Variants in ERBB4 observed in about 807,000 individuals in gnomAD.
The protein encoded by ERBB4 is receptor tyrosine-protein kinase erbB-4.
In ERBB4, 42 loss-of-function variants were observed where a neutral mutation model predicts 158.0. That is an observed-to-expected ratio of 0.27 (90% CI 0.21 to 0.34). The LOEUF is 0.34. ERBB4 is among the 10% of genes least tolerant of loss of function. The pLI is 1.00. For synonymous variants in ERBB4, 583 were observed against 558.7 expected, an observed-to-expected ratio of 1.04 and a Z score of -0.61; for missense variants, 1,333 against 1,624.1, an observed-to-expected ratio of 0.82 and a Z score of 3.08.
chr2:211,388,259 G>T (rs1268916974), intron 25 of ERBB4, among the ~76,000 whole-genome samples: 1 of 152,110 alleles, frequency 6.6e-6, no homozygotes, highest in Non-Finnish European at 1.5e-5. Flanking sequence ...CAATGGATTA[G>T]AAAAGTAAAT....
chr2:211,447,764 A>G (rs2125468875), intron 20 of ERBB4, among the ~76,000 whole-genome samples: 1 of 152,322 alleles, frequency 6.6e-6, no homozygotes, highest in African/African-American at 2.4e-5. Context: ...TGCCAGTGTC[A>G]GGAGATTCAA....
At chr2:211,637,631 T>G (rs888412146) in intron 16 of ERBB4, among the ~76,000 whole-genome samples, 1 of 152,012 alleles carries the variant, frequency 6.6e-6, no homozygotes, top group African/African-American at 2.4e-5. Context: ...GAATGTGAAC[T>G]TTCCATTCTA....
In ERBB4 at chr2:211,417,673, A is replaced by C. The variant is rs567654231; in HGVS notation, c.3135+2768T>G. 1.2e-4 allele frequency among the ~76,000 whole-genome samples: 18 copies of C among 152,308 alleles called. No individual in the cohort carries two copies. In the East Asian group the frequency reaches 3.1e-3, roughly 26 times the overall value. ...AATATTTGTGGAATTGAAAAAATCA[A>C]AAGCACTATAAAAAATTACTTCTGT... On this transcript the variant is annotated intron_variant, in intron 25 of 27. Coordinates refer to ENST00000342788, the MANE Select transcript of ERBB4 (RefSeq NM_005235.3).
chr2:211,857,781 C>T (rs767378639), intron 3 of ERBB4, among the ~76,000 whole-genome samples: 5 of 152,128 alleles, frequency 3.3e-5, no homozygotes, highest in African/African-American at 4.8e-5. Flanking sequence ...TTACACATTA[C>T]GACAAGTAGC....
At chr2:211,442,423 C>T (rs2064003087) in intron 20 of ERBB4, among the ~76,000 whole-genome samples, 1 of 151,826 alleles carries the variant, frequency 6.6e-6, no homozygotes, top group African/African-American at 2.4e-5. Context: ...TCCAACCATC[C>T]ATCTGGAGCT....
chr2:212,220,168 C>T (rs1318801243), intron 1 of ERBB4, among the ~76,000 whole-genome samples: 1 of 151,346 alleles, frequency 6.6e-6, no homozygotes, highest in East Asian at 1.9e-4. Context: ...ATGCAAAGTC[C>T]TCAGGCAATG....
intron 1 of ERBB4, among the ~76,000 whole-genome samples, chr2:212,409,643 CAA>C (rs1382606139): frequency 2.0e-5 from 3 of 152,002 alleles, no homozygotes; most frequent in Admixed American, 6.6e-5. Context: ...GCATGATGAT[CAA>C]AGAGTTTTGT....
chr2:211,897,861 A>G (rs756220489), intron 3 of ERBB4, among the ~76,000 whole-genome samples: 6 of 152,010 alleles, frequency 3.9e-5, no homozygotes, highest in Non-Finnish European at 8.8e-5. Context: ...TTCCCTTCTC[A>G]GCCTCCCATC....
intron 1 of ERBB4, among the ~76,000 whole-genome samples, chr2:212,515,313 A>G (rs1417855671): frequency 6.6e-6 from 1 of 152,198 alleles, no homozygotes; most frequent in African/African-American, 2.4e-5. Flanking sequence ...AAAATACTTA[A>G]TCCTCACATA....
At chr2:212,081,460 C>T (rs2078440656) in intron 2 of ERBB4, among the ~76,000 whole-genome samples, 2 of 152,240 alleles carry the variant, frequency 1.3e-5, no homozygotes, top group South Asian at 2.1e-4. Context: ...TCATGTAATG[C>T]CATCACACTA....
chr2:211,490,808 T>C (rs968503833), intron 20 of ERBB4, among the ~76,000 whole-genome samples: 9 of 151,944 alleles, frequency 5.9e-5, no homozygotes, highest in African/African-American at 2.2e-4. Flanking sequence ...TTAAATAGAG[T>C]GGGGAAGAAA....
chr2:211,464,507 C>T (rs899910468), intron 20 of ERBB4, among the ~76,000 whole-genome samples: 3 of 152,174 alleles, frequency 2.0e-5, no homozygotes, highest in Non-Finnish European at 4.4e-5. Context: ...CCATCCTTAA[C>T]ATCAGAAAAT....
At chr2:212,159,570 G>GTGGGAGT (rs1213612544) in intron 1 of ERBB4, among the ~76,000 whole-genome samples, 4 of 151,924 alleles carry the variant, frequency 2.6e-5, no homozygotes, top group Admixed American at 2.0e-4. Context: ...ACCTCATGCT[G>GTGGGAGT]TGGGAGTTGC....
Position 211,376,594 on chromosome 2 carries a change from G to A in ERBB4, c.*7021C>T, listed in dbSNP as rs557025782. The A allele has an allele frequency of 1.2e-4, 28 of 232,774 alleles. No homozygotes were observed. Among genetic ancestry groups the A allele is most frequent in the African/African-American group, 5.5e-4 (25 of 45,404 alleles). The allele number at this position is 232,774 out of a possible 1,614,324, so 14.4% of individuals were successfully genotyped here. A position where few individuals can be genotyped will look rare whatever the true frequency, so the allele number is the denominator to read the frequency against. On this transcript the variant is annotated 3_prime_UTR_variant, in exon 28 of 28. Coordinates refer to ENST00000342788, the MANE Select transcript of ERBB4 (RefSeq NM_005235.3). Reference sequence around the variant, plus strand: ...TCTGCTTACAAGTTAAGAAAATAAGGAAGTGAGTACAAATGTATACACCTT... The same window carrying A: ...TCTGCTTACAAGTTAAGAAAATAAGAAAGTGAGTACAAATGTATACACCTT...
chr2:212,264,203 C>T (rs2085048167), intron 1 of ERBB4, among the ~76,000 whole-genome samples: 1 of 152,020 alleles, frequency 6.6e-6, no homozygotes, highest in Non-Finnish European at 1.5e-5. Context: ...CCTGTTAGCA[C>T]AAAATTAAAC....
chr2:212,358,627 ATT>A (rs2089558003), intron 1 of ERBB4, among the ~76,000 whole-genome samples: 1 of 151,738 alleles, frequency 6.6e-6, no homozygotes, highest in Non-Finnish European at 1.5e-5. Flanking sequence ...TGGTGTATAT[ATT>A]TACCCTGTTT....
intron 1 of ERBB4, among the ~76,000 whole-genome samples, chr2:212,191,841 T>G (rs1399576835): frequency 7.7e-6 from 1 of 129,468 alleles, no homozygotes; most frequent in African/African-American, 2.7e-5. Context: ...TTATATATAA[T>G]ACATGTTATA....
In ERBB4 at chr2:211,420,423, T is replaced by C. The variant is rs762133246; in HGVS notation, c.3135+18A>G. On this transcript the variant is annotated intron_variant, in intron 25 of 27. Transcript: ENST00000342788. ...TATCTCAGAAAGAATATGATATGTG[T>C]ATATAATTATTTCTTACCCTATTCG... The C allele has an allele frequency of 1.3e-6, 2 of 1,530,942 alleles. No homozygotes were observed. Among genetic ancestry groups the C allele is most frequent in the Non-Finnish European group, 1.8e-6 (2 of 1,106,144 alleles). The allele number at this position is 1,530,942 out of a possible 1,614,324, so 94.8% of individuals were successfully genotyped here.
At chr2:212,003,211 A>AAGAAAGGAAGAAAGAC (rs2076172688) in intron 2 of ERBB4, among the ~76,000 whole-genome samples, 1 of 55,894 alleles carries the variant, frequency 1.8e-5, no homozygotes, top group East Asian at 3.5e-4. Context: ...GAAAGACAGA[A>AAGAAAGGAAGAAAGAC]AGAAGGAAGG....
Sources: gnomAD v4.1 joint callset for allele counts (sites outside exome capture counted in the v4.1 genomes callset) on GRCh38, gnomAD v4.1.1 for gene constraint, MANE v1.5 for transcripts, NCBI Gene and HGNC (gene_info 2026-07-23, HGNC 2026-07-21) for gene names.